The following EGLN3 variants were observed in gnomAD, a reference collection of about 807,000 sequenced individuals.
EGLN3 encodes prolyl hydroxylase EGLN3.
In EGLN3, 15 loss-of-function variants were observed where a neutral mutation model predicts 26.0. That is an observed-to-expected ratio of 0.58 (90% CI 0.39 to 0.89). EGLN3 has a LOEUF of 0.89. EGLN3 is among the 40% of genes least tolerant of loss of function. The probability of loss-of-function intolerance (pLI) is 0.00; values close to 1 mark genes in which losing one functional copy is unlikely to be tolerated. For synonymous variants in EGLN3, 147 were observed against 127.2 expected (o/e 1.16, Z -1.05); for missense variants, 238 against 311.6 (o/e 0.76, Z 1.78).
Position 33,924,634 on chromosome 14 carries a change from C to T in EGLN3, c.*1257G>A, listed in dbSNP as rs2064347861. 1 of 151,978 alleles carries T rather than the reference C, an allele frequency of 6.6e-6. No individual in the cohort carries two copies. Among genetic ancestry groups the T allele is most frequent in the Non-Finnish European group, 1.5e-5 (1 of 67,970 alleles). 9.4% of individuals were successfully genotyped at this position (151,978 alleles called of 1,614,324 possible). The stretch of plus-strand genomic sequence containing the variant: ...CAAGAAATTAAAGGGATTTTTAAAA[C>T]ATGAAAGTAATACTGAAAACTAGGA... On this transcript the variant is annotated 3_prime_UTR_variant, in exon 5 of 5. Transcript: ENST00000250457.
intron 1 of EGLN3, among the ~76,000 whole-genome samples, chr14:33,943,264 C>G (rs941004363): frequency 1.3e-5 from 2 of 152,202 alleles, no homozygotes; most frequent in African/African-American, 4.8e-5. Flanking sequence ...CAAAGCTGAA[C>G]TCCTTAGTCT....
At chr14:33,946,951 C>T (rs1205785919) in intron 1 of EGLN3, among the ~76,000 whole-genome samples, 1 of 152,200 alleles carries the variant, frequency 6.6e-6, no homozygotes, top group Non-Finnish European at 1.5e-5. Flanking sequence ...AGTATTTAAT[C>T]ACTCAATATG....
intron 1 of EGLN3, among the ~76,000 whole-genome samples, chr14:33,940,880 C>T (rs2064477734): frequency 6.6e-6 from 1 of 152,154 alleles, no homozygotes; most frequent in Non-Finnish European, 1.5e-5. Context: ...TTGTAACTTT[C>T]TAGCATTGCT....
chr14:33,926,367 T>A (rs1459126481), intron 4 of EGLN3, among the ~76,000 whole-genome samples: 98 of 152,220 alleles, frequency 6.4e-4, no homozygotes, highest in Non-Finnish European at 8.8e-5. Context: ...CTTAATTTAA[T>A]ATGCTAGTGA....
intron 1 of EGLN3, among the ~76,000 whole-genome samples, chr14:33,937,784 G>A (rs1594380526): frequency 6.6e-6 from 1 of 152,034 alleles, no homozygotes; most frequent in African/African-American, 2.4e-5. Context: ...GTAGAACAAC[G>A]GTCATCACAT....
chr14:33,936,332 G>A (rs2138818309), intron 1 of EGLN3, among the ~76,000 whole-genome samples: 1 of 152,296 alleles, frequency 6.6e-6, no homozygotes, highest in African/African-American at 2.4e-5. Flanking sequence ...AATGTAGACT[G>A]TGATAGCTGA....
intron 1 of EGLN3, among the ~76,000 whole-genome samples, chr14:33,946,937 G>C (rs2064522233): frequency 6.6e-6 from 1 of 152,172 alleles, no homozygotes; most frequent in Non-Finnish European, 1.5e-5. Context: ...GAAACTTTGG[G>C]CACAGTATTT....
intron 1 of EGLN3, among the ~76,000 whole-genome samples, chr14:33,947,110 G>A (rs1192726468): frequency 6.6e-6 from 1 of 152,124 alleles, no homozygotes; most frequent in Non-Finnish European, 1.5e-5. Context: ...TGAAGCAGAG[G>A]GACTTTTGGT....
chr14:33,948,569 A>G (rs996669299), intron 1 of EGLN3: 1 of 152,210 alleles, frequency 6.6e-6, no homozygotes, highest in Non-Finnish European at 1.5e-5. Flanking sequence ...GATAACCTAA[A>G]ATTGATGAAT....
chr14:33,949,877 T>C (rs1419009013), intron 1 of EGLN3: 1 of 183,396 alleles, frequency 5.5e-6, no homozygotes, highest in African/African-American at 2.4e-5. Flanking sequence ...AGTGGAGTTT[T>C]ACCCTTTCAC....
At position 33,929,124 on chromosome 14, in the gene EGLN3, CAGA is replaced by C. The variant is rs1275471396; in HGVS notation, c.563_565del (p.Phe188del). 4 of 1,614,034 alleles carry C rather than the reference CAGA, an allele frequency of 2.5e-6. No individual in the cohort carries two copies. In the African/African-American group the frequency reaches 4.0e-5, roughly 16 times the overall value. On this transcript the variant is annotated inframe_deletion, in exon 3 of 5. Transcript: ENST00000250457. ...TTCGTGTGGGTTCCTACGATCTGAC[CAGA>C]AGAACAGGAGTCTGTCAAAAATGGG... is the stretch of plus-strand genomic sequence containing the variant.
chr14:33,940,453 A>G (rs2064474419), intron 1 of EGLN3, among the ~76,000 whole-genome samples: 1 of 152,020 alleles, frequency 6.6e-6, no homozygotes, highest in South Asian at 2.1e-4. Flanking sequence ...TCTTGTTAAC[A>G]GGGAAACTGT....
intron 1 of EGLN3, chr14:33,949,761 G>A (rs962582998): frequency 1.3e-5 from 2 of 154,124 alleles, no homozygotes; most frequent in African/African-American, 4.8e-5. Context: ...TTCATAGTTA[G>A]GAAAAGGAAG....
chr14:33,937,971 G>A (rs568958643), intron 1 of EGLN3, among the ~76,000 whole-genome samples: 1 of 152,276 alleles, frequency 6.6e-6, no homozygotes, highest in Non-Finnish European at 1.5e-5. Context: ...TTTAAAACCT[G>A]TCCTCAGATG....
chr14:33,935,820 G>T (rs934529573), intron 1 of EGLN3, among the ~76,000 whole-genome samples: 1 of 151,888 alleles, frequency 6.6e-6, no homozygotes, highest in Non-Finnish European at 1.5e-5. Flanking sequence ...CTGACACCTC[G>T]CTCCATCAAG....
intron 1 of EGLN3, among the ~76,000 whole-genome samples, chr14:33,934,761 A>G (rs2064429204): frequency 1.3e-5 from 2 of 152,238 alleles, no homozygotes; most frequent in African/African-American, 2.4e-5. Context: ...TACATTGCTC[A>G]TGATTTGAGA....
At chr14:33,949,027 TCTC>T (rs2064537490) in intron 1 of EGLN3, 1 of 152,198 alleles carries the variant, frequency 6.6e-6, no homozygotes, top group Non-Finnish European at 1.5e-5. Context: ...TTAGCATCAA[TCTC>T]CTACAGAGTT....
At chr14:33,931,326 ACAGGTAGTTGCTGGCTTCTTAATTT>A (rs2064402135) in intron 1 of EGLN3, 111 bp from the exon 2 acceptor site, 2 of 1,507,646 alleles carry the variant, frequency 1.3e-6, no homozygotes, top group Admixed American at 4.0e-5. Context: ...CGTGACATTT[ACAGGTAGTTGCTGGCTTCTTAATTT>A]CATGTATGGT....
intron 1 of EGLN3, among the ~76,000 whole-genome samples, chr14:33,944,656 A>G (rs1399251754): frequency 6.6e-6 from 1 of 152,230 alleles, no homozygotes; most frequent in Non-Finnish European, 1.5e-5. Flanking sequence ...AAAGAGAAAC[A>G]ATGACTAATG....
Sources: gnomAD v4.1 joint callset for allele counts (sites outside exome capture counted in the v4.1 genomes callset) on GRCh38, gnomAD v4.1.1 for gene constraint, MANE v1.5 for transcripts, NCBI Gene and HGNC (gene_info 2026-07-23, HGNC 2026-07-21) for gene names.